CDH12: variants seen among roughly 807,000 people sequenced by gnomAD.
CDH12 encodes the protein cadherin 12.
Under a neutral mutation model 74.1 loss-of-function variants are expected in CDH12, and 41 were observed. The ratio of observed to expected loss-of-function variants is 0.55; its 90% CI spans 0.43 to 0.72. CDH12 has a LOEUF of 0.72. CDH12 is among the 30% of genes least tolerant of loss of function. CDH12 has a pLI of 0.00. For missense variants in CDH12, 945 were observed against 977.2 expected (o/e 0.97, Z 0.44); for synonymous variants, 399 against 355.0 (o/e 1.12, Z -1.39).
chr5:22,680,913 G>C (rs1741453488), intron 1 of CDH12, among the ~76,000 whole-genome samples: 1 of 152,026 alleles, frequency 6.6e-6, no homozygotes, highest in Admixed American at 6.6e-5. Flanking sequence ...TGATTCACAA[G>C]TATTTTAACA....
In CDH12 at chr5:21,970,523, T is replaced by A. The variant is rs6895248; in HGVS notation, c.526+4568A>T. 2.4e-3 allele frequency among the ~76,000 whole-genome samples: 369 copies of A among 151,998 alleles called. 2 individuals are homozygous for A. The highest frequency in any genetic ancestry group is 8.4e-3 in the African/African-American group (349 of 41,460). Reference sequence around the variant, plus strand: ...GTCTTCACTTTTCCTTCTTAGACCGTTTAAATATGGCCACGAAACAAGTAG... The same window carrying A: ...GTCTTCACTTTTCCTTCTTAGACCGATTAAATATGGCCACGAAACAAGTAG... On this transcript the variant is annotated intron_variant, in intron 6 of 14. Coordinates refer to ENST00000382254, the MANE Select transcript of CDH12 (RefSeq NM_004061.5).
In CDH12 at chr5:21,863,979, T is replaced by C. The variant is rs541478358; in HGVS notation, c.527-9189A>G. Reference sequence around the variant, plus strand: ...TTAGGAAAATTATATTTTCTAATTCTTATTTCAGAATTATAAATATACTAA... The same window carrying C: ...TTAGGAAAATTATATTTTCTAATTCCTATTTCAGAATTATAAATATACTAA... On this transcript the variant is annotated intron_variant, in intron 6 of 14. Transcript: ENST00000382254. Among the ~76,000 whole-genome samples, 236 of 152,300 alleles carry C rather than the reference T, an allele frequency of 1.5e-3. 1 individual carries two copies. Among genetic ancestry groups the C allele is most frequent in the African/African-American group, 5.3e-3 (222 of 41,576 alleles).
Position 21,751,796 on chromosome 5 carries a change from T to G in CDH12, c.2326A>C (p.Lys776Gln). Residue 776 changes from lysine (K) to glutamine (Q), a missense_variant, in exon 15 of 15, where the codon AAA (lysine) becomes CAA (glutamine). Coordinates refer to ENST00000382254, the MANE Select transcript of CDH12 (RefSeq NM_004061.5). ...TCGCCAAACATGTCTGCCAAGACTT[T>G]AAAGCGGGGTCCCCAGTCTGTCAGA... ...DYLTDWGPRF[K>Q]VLADMFGEEE... 6.2e-7 allele frequency: 1 copy of G among 1,614,120 alleles called. No homozygotes were observed. The highest frequency in any genetic ancestry group is 8.5e-7 in the Non-Finnish European group (1 of 1,179,994).
In CDH12 at chr5:22,146,610, A is replaced by G. The variant is rs529329480; in HGVS notation, c.-187+65888T>C. Among the ~76,000 whole-genome samples the G allele has an allele frequency of 6.6e-5, 10 of 152,280 alleles. No individual in the cohort carries two copies. The South Asian group carries it at 1.5e-3, about 22-fold the overall frequency. On this transcript the variant is annotated intron_variant, in intron 4 of 14. Transcript: ENST00000382254. ...CAAACAGAGGGAAGGAGCATTGTAC[A>G]CTAGTTACCTAGAAAACAAATCATT...
chr5:22,532,817 A>AT (rs1165373696), intron 1 of CDH12, among the ~76,000 whole-genome samples: 1 of 152,100 alleles, frequency 6.6e-6, no homozygotes. Context: ...ACTGATTGTG[A>AT]TTTTTTCACA....
intron 1 of CDH12, among the ~76,000 whole-genome samples, chr5:22,590,150 T>C (rs1345862208): frequency 2.0e-5 from 3 of 152,176 alleles, no homozygotes; most frequent in Non-Finnish European, 4.4e-5. Flanking sequence ...TGTACCTAAA[T>C]GATAATTTGA....
At chr5:22,787,266 T>G (rs991999790) in intron 1 of CDH12, among the ~76,000 whole-genome samples, 5 of 152,156 alleles carry the variant, frequency 3.3e-5, no homozygotes, top group African/African-American at 9.6e-5. Flanking sequence ...TTCTATAACA[T>G]TCTGTCCTAA....
intron 14 of CDH12, among the ~76,000 whole-genome samples, chr5:21,752,787 AAAGGAAGTAGAGGAAGG>A (rs1240939668): frequency 6.6e-6 from 1 of 151,972 alleles, no homozygotes; most frequent in Non-Finnish European, 1.5e-5. Context: ...GTAGAGGAAG[AAAGGAAGTAGAGGAAGG>A]AAGGAAGTAG....
intron 3 of CDH12, among the ~76,000 whole-genome samples, chr5:22,244,628 A>G (rs1329079353): frequency 4.6e-5 from 6 of 131,472 alleles, no homozygotes; most frequent in African/African-American, 1.7e-4. Context: ...GGAGGGAAGG[A>G]AGGGAGGGAG....
At chr5:22,513,187 C>T (rs376227464) in intron 1 of CDH12, among the ~76,000 whole-genome samples, 1 of 152,236 alleles carries the variant, frequency 6.6e-6, no homozygotes. Flanking sequence ...ATCTGTGGTG[C>T]ACGGTACTTA....
intron 3 of CDH12, among the ~76,000 whole-genome samples, chr5:22,392,984 A>G (rs1425973191): frequency 6.6e-6 from 1 of 152,112 alleles, no homozygotes; most frequent in Non-Finnish European, 1.5e-5. Context: ...TTTTTCTCAC[A>G]TAGATACCTC....
At chr5:21,929,454 T>C (rs927155735) in intron 6 of CDH12, among the ~76,000 whole-genome samples, 16 of 151,706 alleles carry the variant, frequency 1.1e-4, no homozygotes, top group African/African-American at 3.9e-4. Flanking sequence ...GCATGCTCAG[T>C]CCACAATAGG....
intron 4 of CDH12, among the ~76,000 whole-genome samples, chr5:22,163,798 C>G (rs1748501937): frequency 6.6e-6 from 1 of 152,130 alleles, no homozygotes; most frequent in African/African-American, 2.4e-5. Flanking sequence ...ACAGGTGAAG[C>G]AGGAAGAATT....
chr5:22,745,276 AT>A (rs75964510), intron 1 of CDH12, among the ~76,000 whole-genome samples: 9,687 of 149,964 alleles, frequency 0.065, 347 homozygotes, highest in African/African-American at 0.097. Context: ...TTCCATTGAG[AT>A]TTTTTTTTAA....
chr5:22,610,724 T>A (rs1737353088), intron 1 of CDH12, among the ~76,000 whole-genome samples: 2 of 152,090 alleles, frequency 1.3e-5, no homozygotes, highest in African/African-American at 4.8e-5. Flanking sequence ...AGTCTTCACA[T>A]ATTTTTGCTA....
intron 1 of CDH12, among the ~76,000 whole-genome samples, chr5:22,759,565 C>T (rs1746102109): frequency 1.3e-5 from 2 of 152,120 alleles, no homozygotes; most frequent in Middle Eastern, 3.2e-3. Context: ...AGTTATTATA[C>T]CATTAACTAC....
intron 6 of CDH12, among the ~76,000 whole-genome samples, chr5:21,878,444 A>G (rs1752051001): frequency 6.6e-6 from 1 of 152,028 alleles, no homozygotes; most frequent in Non-Finnish European, 1.5e-5. Context: ...TTTGAACAAT[A>G]CTCACTAGTC....
intron 6 of CDH12, among the ~76,000 whole-genome samples, chr5:21,942,772 C>T (rs1755396734): frequency 6.6e-6 from 1 of 151,942 alleles, no homozygotes; most frequent in African/African-American, 2.4e-5. Context: ...CTACATTATC[C>T]TGACAAAAAT....
intron 6 of CDH12, among the ~76,000 whole-genome samples, chr5:21,872,488 G>A (rs1020655340): frequency 6.6e-6 from 1 of 152,056 alleles, no homozygotes; most frequent in African/African-American, 2.4e-5. Flanking sequence ...TATACCTAAT[G>A]TCATTTGAAA....
Sources: allele counts gnomAD v4.1 joint callset (sites outside exome capture counted in the v4.1 genomes callset), GRCh38; gene constraint gnomAD v4.1.1; transcripts MANE v1.5; gene names NCBI Gene and HGNC (gene_info 2026-07-23, HGNC 2026-07-21).